Variants in PAK5 observed in about 807,000 individuals in gnomAD.
PAK5 encodes serine/threonine-protein kinase PAK 5.
In PAK5, 16 loss-of-function variants were observed where a neutral mutation model predicts 65.9. The observed-to-expected ratio is 0.24, with a 90% CI of 0.16 to 0.37. The LOEUF (loss-of-function observed/expected upper bound fraction) is 0.37. Ranked by LOEUF, PAK5 falls within the 10% of genes least tolerant of loss-of-function variation. PAK5 has a pLI of 1.00. For synonymous variants in PAK5, 371 were observed against 354.9 expected, an observed-to-expected ratio of 1.05 and a Z score of -0.51; for missense variants, 785 against 903.9, an observed-to-expected ratio of 0.87 and a Z score of 1.69.
At chr20:9,601,294 A>C (rs1350959638) in intron 3 of PAK5, among the ~76,000 whole-genome samples, 2 of 152,204 alleles carry the variant, frequency 1.3e-5, no homozygotes, top group Non-Finnish European at 2.9e-5. Context: ...CAGAATTTCC[A>C]AGAATTTAGA....
chr20:9,627,705 C>T (rs1192778194), intron 3 of PAK5, among the ~76,000 whole-genome samples: 1 of 152,118 alleles, frequency 6.6e-6, no homozygotes, highest in Non-Finnish European at 1.5e-5. Flanking sequence ...CTGCTTACTG[C>T]AACCTCCGCC....
intron 3 of PAK5, among the ~76,000 whole-genome samples, chr20:9,643,167 A>G (rs2047091200): frequency 2.0e-5 from 3 of 152,222 alleles, no homozygotes; most frequent in Admixed American, 6.5e-5. Context: ...ACAGATGTCT[A>G]CTAATATAAT....
chr20:9,836,987 T>A (rs552932927), intron 1 of PAK5, among the ~76,000 whole-genome samples: 25 of 152,204 alleles, frequency 1.6e-4, no homozygotes, highest in Non-Finnish European at 3.7e-4. Context: ...TTTCAGCAGG[T>A]CCTGACAGAG....
intron 1 of PAK5, among the ~76,000 whole-genome samples, chr20:9,820,298 G>T (rs2049404409): frequency 6.6e-6 from 1 of 152,122 alleles, no homozygotes; most frequent in South Asian, 2.1e-4. Flanking sequence ...TTCTTTAAAT[G>T]CATTTTATAA....
chr20:9,782,959 C>T lies in PAK5; in HGVS notation c.-162+55803G>A, dbSNP rs568088250. Among the ~76,000 whole-genome samples the T allele has an allele frequency of 9.2e-5, 13 of 141,100 alleles. No homozygotes were observed. In the South Asian group the frequency reaches 2.7e-3, roughly 29 times the overall value. The allele number at this position is 141,100 out of a possible 152,430, so 92.6% of individuals were successfully genotyped here. ...TTTCTTTTTTTTTAAGACGGAGTTT[C>T]GCTCTTGTTGCCCAGGCTGGAGTGT... On this transcript the variant is annotated intron_variant, in intron 1 of 9. Coordinates refer to ENST00000353224, the MANE Select transcript of PAK5 (RefSeq NM_177990.4).
intron 1 of PAK5, among the ~76,000 whole-genome samples, chr20:9,730,363 A>T (rs1600298169): frequency 6.6e-6 from 1 of 152,294 alleles, no homozygotes. Context: ...TGACAAGAGG[A>T]TGTTTCAACT....
intron 9 of PAK5, among the ~76,000 whole-genome samples, chr20:9,541,650 G>A (rs1039179327): frequency 6.6e-5 from 10 of 152,028 alleles, no homozygotes; most frequent in African/African-American, 1.7e-4. Flanking sequence ...GTCCCAGCTC[G>A]TTTGATCCCT....
At chr20:9,577,422 C>A (rs6140968) in intron 4 of PAK5, 2 of 151,858 alleles carry the variant, frequency 1.3e-5, no homozygotes, top group Non-Finnish European at 2.9e-5. Context: ...TGTACACACA[C>A]ATGACCCTCC....
chr20:9,809,235 A>G (rs1009942866), intron 1 of PAK5, among the ~76,000 whole-genome samples: 1 of 152,020 alleles, frequency 6.6e-6, no homozygotes, highest in Non-Finnish European at 1.5e-5. Flanking sequence ...CTCACACCAG[A>G]TCTCTCAAAT....
rs116143185 is a variant in PAK5, at chr20:9,599,294, G to A, written c.205-18364C>T. 2.8e-3 allele frequency among the ~76,000 whole-genome samples: 432 copies of A among 152,306 alleles called. 3 individuals carry two copies. The highest frequency in any genetic ancestry group is 9.7e-3 in the African/African-American group (403 of 41,566). On this transcript the variant is annotated intron_variant, in intron 3 of 9. Coordinates refer to ENST00000353224, the MANE Select transcript of PAK5 (RefSeq NM_177990.4). Reference sequence around the variant, plus strand: ...ATTTGGATTGTTGCACCTTTTGGCTGTCGTGAATAATGCTCCTGTGAACAT... The same window carrying A: ...ATTTGGATTGTTGCACCTTTTGGCTATCGTGAATAATGCTCCTGTGAACAT...
intron 1 of PAK5, among the ~76,000 whole-genome samples, chr20:9,791,122 G>A (rs1240418181): frequency 6.6e-6 from 1 of 152,070 alleles, no homozygotes; most frequent in Non-Finnish European, 1.5e-5. Context: ...TCATTGTGTA[G>A]CATATTCATT....
At chr20:9,729,238 A>C (rs1012653877) in intron 1 of PAK5, among the ~76,000 whole-genome samples, 10 of 152,184 alleles carry the variant, frequency 6.6e-5, no homozygotes, top group Non-Finnish European at 1.3e-4. Context: ...CCATCTCAAA[A>C]AAAAAAAATT....
chr20:9,557,998 C>A lies in PAK5; in HGVS notation c.1617-264G>T, dbSNP rs1044632621. ...TTTGGTCATTCATGCAAATGCACTT[C>A]CAGGAACTCATTTATTTATTTATTT... On this transcript the variant is annotated intron_variant, in intron 6 of 9. Transcript: ENST00000353224. Among the ~76,000 whole-genome samples, 15 of 144,130 alleles carry A rather than the reference C, an allele frequency of 1.0e-4. 1 individual carries two copies. The highest frequency in any genetic ancestry group is 8.2e-4 in the Admixed American group (12 of 14,642). 94.6% of individuals were successfully genotyped at this position (144,130 alleles called of 152,430 possible). A position where few individuals can be genotyped will look rare whatever the true frequency, so the allele number is the denominator to read the frequency against.
chr20:9,568,161 G>T (rs1471521323), intron 4 of PAK5, among the ~76,000 whole-genome samples: 1 of 152,216 alleles, frequency 6.6e-6, no homozygotes, highest in Non-Finnish European at 1.5e-5. Context: ...AGCACTGGGG[G>T]TTGCTAAGCA....
chr20:9,742,756 A>G (rs1349368321), intron 1 of PAK5, among the ~76,000 whole-genome samples: 1 of 152,212 alleles, frequency 6.6e-6, no homozygotes, highest in Non-Finnish European at 1.5e-5. Context: ...ATCTGGGTAC[A>G]GTCATAAGCA....
At chr20:9,815,768 C>T (rs2050108) in intron 1 of PAK5, among the ~76,000 whole-genome samples, 28,379 of 151,872 alleles carry the variant, frequency 0.19, 3,377 homozygotes, top group Non-Finnish European at 0.26. Flanking sequence ...AAATTTAATC[C>T]CACCAACCTA....
Position 9,631,382 on chromosome 20 carries a change from C to A in PAK5, c.204+12743G>T, listed in dbSNP as rs368461123. Among the ~76,000 whole-genome samples, 39 of 152,314 alleles carry A rather than the reference C, an allele frequency of 2.6e-4. No homozygotes were observed. In the South Asian group the frequency reaches 8.1e-3, roughly 32 times the overall value. On this transcript the variant is annotated intron_variant, in intron 3 of 9. Coordinates refer to ENST00000353224, the MANE Select transcript of PAK5 (RefSeq NM_177990.4). Reference sequence around the variant, plus strand: ...ATATGGCAACACTGATGGGATATCACTTCTGTGAGTACATTATTATATATA... The same window carrying A: ...ATATGGCAACACTGATGGGATATCAATTCTGTGAGTACATTATTATATATA...
chr20:9,575,600 T>C (rs1019669377), intron 4 of PAK5: 5 of 152,226 alleles, frequency 3.3e-5, no homozygotes, highest in African/African-American at 1.2e-4. Context: ...GTTCCAGCTT[T>C]TACCCACGGT....
At position 9,644,302 on chromosome 20, in the gene PAK5, A is replaced by G. The variant is rs763186888; in HGVS notation, c.27T>C (p.Ile9=). The G allele has an allele frequency of 1.9e-6, 3 of 1,609,238 alleles. No homozygotes were observed. The highest frequency in any genetic ancestry group is 2.5e-6 in the Non-Finnish European group (3 of 1,178,664). Residue 9 remains isoleucine (I), a synonymous_variant, in exon 3 of 10, where the codon ATT becomes ATC. Coordinates refer to ENST00000353224, the MANE Select transcript of PAK5 (RefSeq NM_177990.4). MFGKKKKK[I]EISGPSNFEH... is the part of the protein sequence containing the mutation. ...CAAAGTTGGACGGGCCAGATATTTCAATCTTTTTCTTTTTCTTCCCAAACA... is the reference window on the plus strand; with the variant it reads ...CAAAGTTGGACGGGCCAGATATTTCGATCTTTTTCTTTTTCTTCCCAAACA...
Sources: allele counts gnomAD v4.1 joint callset (sites outside exome capture counted in the v4.1 genomes callset), GRCh38; gene constraint gnomAD v4.1.1; transcripts MANE v1.5; gene names NCBI Gene and HGNC (gene_info 2026-07-23, HGNC 2026-07-21).